CNTN1: variants seen among roughly 807,000 people sequenced by gnomAD.
The protein encoded by CNTN1 is contactin 1.
In CNTN1, 38 loss-of-function variants were observed where a neutral mutation model predicts 126.4. The ratio of observed to expected loss-of-function variants is 0.30; its 90% CI spans 0.23 to 0.39. The LOEUF (loss-of-function observed/expected upper bound fraction) is 0.39, where lower values mean the gene tolerates loss of function less well. Ranked by LOEUF, CNTN1 falls within the 10% of genes least tolerant of loss-of-function variation. The pLI is 1.00. For synonymous variants in CNTN1, 413 were observed against 422.6 expected, an observed-to-expected ratio of 0.98 and a Z score of 0.28; for missense variants, 1,009 against 1,248.4, an observed-to-expected ratio of 0.81 and a Z score of 2.89.
chr12:40,828,870 G>A (rs576312185), intron 1 of CNTN1, among the ~76,000 whole-genome samples: 20 of 152,274 alleles, frequency 1.3e-4, no homozygotes, highest in African/African-American at 4.8e-4. Flanking sequence ...ACTTCTACCT[G>A]TGCTGGTTTG....
chr12:40,906,641 T>G (rs1209549616), intron 1 of CNTN1, among the ~76,000 whole-genome samples: 2 of 151,840 alleles, frequency 1.3e-5, no homozygotes, highest in Admixed American at 6.6e-5. Flanking sequence ...CTACAACATG[T>G]GTTTTCCTTT....
At position 41,029,165 on chromosome 12, in the gene CNTN1, G is replaced by A. The variant is rs1949092969; in HGVS notation, c.2926G>A (p.Val976Ile). ...CAGAGATGGAGAATACGTTGTGGAG[G>A]TTCGCGCGCACAGTGATGGAGGAGA... ...IPRDGEYVVE[V>I]RAHSDGGDGV... The change falls in exon 23 of 24, where the codon GTT becomes ATT. Residue 976 changes from valine (V) to isoleucine (I), a missense_variant. Coordinates refer to ENST00000551295, the MANE Select transcript of CNTN1 (RefSeq NM_001843.4). 1 of 1,614,100 alleles carries A rather than the reference G, an allele frequency of 6.2e-7. No individual in the cohort carries two copies. Among genetic ancestry groups the A allele is most frequent in the Non-Finnish European group, 8.5e-7 (1 of 1,180,006 alleles).
chr12:40,824,599 CA>C (rs1941548176), intron 1 of CNTN1, among the ~76,000 whole-genome samples: 1 of 152,036 alleles, frequency 6.6e-6, no homozygotes, highest in Non-Finnish European at 1.5e-5. Context: ...TTAATTCCCA[CA>C]AAAACCTAAA....
intron 1 of CNTN1, among the ~76,000 whole-genome samples, chr12:40,804,549 C>T (rs1940773303): frequency 6.6e-6 from 1 of 151,932 alleles, no homozygotes. Context: ...AGTCACATGC[C>T]TCTGTTAATA....
chr12:40,721,994 T>G (rs1401568058), intron 1 of CNTN1, among the ~76,000 whole-genome samples: 1 of 151,686 alleles, frequency 6.6e-6, no homozygotes, highest in African/African-American at 2.4e-5. Flanking sequence ...CTATTGTGAA[T>G]AGTGCCGCAA....
intron 1 of CNTN1, among the ~76,000 whole-genome samples, chr12:40,816,933 C>T (rs1941274383): frequency 6.6e-6 from 1 of 152,194 alleles, no homozygotes; most frequent in African/African-American, 2.4e-5. Flanking sequence ...GCAGGTTGTT[C>T]AACTCCCATG....
At chr12:41,046,785 C>T (rs765703761) in intron 23 of CNTN1, among the ~76,000 whole-genome samples, 6 of 151,282 alleles carry the variant, frequency 4.0e-5, no homozygotes, top group Non-Finnish European at 8.8e-5. Context: ...AAATCTCCTC[C>T]CAACTCCAGC....
At chr12:40,943,775 T>C (rs1378873444) in intron 13 of CNTN1, 51 bp downstream of exon 13, 12 of 1,593,564 alleles carry the variant, frequency 7.5e-6, no homozygotes, top group Non-Finnish European at 1.0e-5. Flanking sequence ...AAAAACATGA[T>C]TCAGCACTAA....
intron 23 of CNTN1, among the ~76,000 whole-genome samples, chr12:41,051,502 A>G (rs995894606): frequency 2.6e-5 from 4 of 151,986 alleles, no homozygotes; most frequent in African/African-American, 9.7e-5. Context: ...CTTTAGTCTT[A>G]TGCTATTGGC....
chr12:40,926,336 T>A (rs1945693990), intron 6 of CNTN1, among the ~76,000 whole-genome samples: 1 of 151,814 alleles, frequency 6.6e-6, no homozygotes, highest in African/African-American at 2.4e-5. Context: ...GAGCTAACAA[T>A]ATGAGTATCC....
chr12:40,871,072 C>A (rs1047377117), intron 1 of CNTN1, among the ~76,000 whole-genome samples: 2 of 151,542 alleles, frequency 1.3e-5, no homozygotes, highest in Non-Finnish European at 2.9e-5. Context: ...CTTTTATTCC[C>A]TGGAATAATC....
chr12:40,976,609 A>G (rs1947682324), intron 15 of CNTN1, among the ~76,000 whole-genome samples: 1 of 151,810 alleles, frequency 6.6e-6, no homozygotes, highest in African/African-American at 2.4e-5. Flanking sequence ...TTTCATTGAC[A>G]AAAGAATCAG....
intron 16 of CNTN1, among the ~76,000 whole-genome samples, chr12:40,990,515 C>T (rs1252636497): frequency 6.6e-6 from 1 of 152,142 alleles, no homozygotes; most frequent in Non-Finnish European, 1.5e-5. Flanking sequence ...AGCTGGAATC[C>T]AGATCTAGCA....
chr12:40,885,375 T>A (rs1943994447), intron 1 of CNTN1, among the ~76,000 whole-genome samples: 1 of 151,946 alleles, frequency 6.6e-6, no homozygotes, highest in African/African-American at 2.4e-5. Flanking sequence ...CACCATTTTT[T>A]ATGAAGTTTT....
intron 10 of CNTN1, among the ~76,000 whole-genome samples, chr12:40,937,123 C>A (rs1326917361): frequency 6.6e-6 from 1 of 152,052 alleles, no homozygotes; most frequent in Non-Finnish European, 1.5e-5. Context: ...CTCTCTCTCT[C>A]CTTATTTTTT....
chr12:40,720,554 C>T (rs1038679119), intron 1 of CNTN1, among the ~76,000 whole-genome samples: 5 of 152,062 alleles, frequency 3.3e-5, no homozygotes, highest in Admixed American at 6.5e-5. Context: ...AATGCAAAGA[C>T]AATACAGTAG....
chr12:40,904,396 T>TTCCCTCCCTCCTTTCCTTCCTTCCTC (rs1944735198), intron 1 of CNTN1, among the ~76,000 whole-genome samples: 1 of 148,494 alleles, frequency 6.7e-6, no homozygotes, highest in African/African-American at 2.5e-5. Context: ...CTTCCTTCCT[T>TTCCCTCCCTCCTTTCCTTCCTTCCTC]CTTCCCTCCC....
chr12:40,919,106 T>A (rs1169666144), intron 4 of CNTN1, among the ~76,000 whole-genome samples: 1 of 152,154 alleles, frequency 6.6e-6, no homozygotes, highest in Non-Finnish European at 1.5e-5. Context: ...GATTTGAGGA[T>A]AAAATGTTTT....
intron 15 of CNTN1, among the ~76,000 whole-genome samples, chr12:40,978,215 G>T (rs1228267418): frequency 6.6e-6 from 1 of 152,096 alleles, no homozygotes; most frequent in Non-Finnish European, 1.5e-5. Context: ...AGAACTGAAA[G>T]CTGAGTCTAT....
Sources: allele counts gnomAD v4.1 joint callset (sites outside exome capture counted in the v4.1 genomes callset), GRCh38; gene constraint gnomAD v4.1.1; transcripts MANE v1.5; gene names NCBI Gene and HGNC (gene_info 2026-07-23, HGNC 2026-07-21).